Variants in ZNF385D observed in about 807,000 individuals in gnomAD.
ZNF385D encodes the protein zinc finger protein 659.
ZNF385D carries 15 observed loss-of-function variants against 35.8 expected under a neutral mutation model. The observed-to-expected ratio is 0.42, with a 90% CI of 0.28 to 0.64. The LOEUF is 0.64. Ranked by LOEUF, ZNF385D falls within the 30% of genes least tolerant of loss-of-function variation. ZNF385D has a pLI of 0.23. For missense variants in ZNF385D, 474 were observed against 494.6 expected, an observed-to-expected ratio of 0.96 and a Z score of 0.39; for synonymous variants, 212 against 186.8, an observed-to-expected ratio of 1.13 and a Z score of -1.10.
In ZNF385D at chr3:21,823,036, A is replaced by C. The variant is rs1694372726; in HGVS notation, c.326-158008T>G. On this transcript the variant is annotated intron_variant, in intron 3 of 5. Coordinates refer to the ZNF385D transcript ENST00000494108. ...AACAGTAATACAAGAGAATTCAAAA[A>C]TATCATAATTTTCTATTTGTTAAGC... 3.3e-5 allele frequency among the ~76,000 whole-genome samples: 5 copies of C among 152,174 alleles called. No individual in the cohort carries two copies. The South Asian group carries it at 1.0e-3, about 31-fold the overall frequency.
chr3:22,343,608 A>G (rs993693320), intron 2 of ZNF385D, among the ~76,000 whole-genome samples: 2 of 152,204 alleles, frequency 1.3e-5, no homozygotes, highest in African/African-American at 4.8e-5. Context: ...TGATCTTCTG[A>G]CATCTTCAGT....
rs945550568 is a variant in ZNF385D at position 22,082,657 on chromosome 3, G to A, written c.325+86160C>T. 2.0e-5 allele frequency among the ~76,000 whole-genome samples: 3 copies of A among 152,182 alleles called. No homozygotes were observed. In the East Asian group the frequency reaches 5.8e-4, roughly 29 times the overall value. On this transcript the variant is annotated intron_variant, in intron 3 of 5. Coordinates refer to the ZNF385D transcript ENST00000494108. ...TGAACAAAAGGCAGCAGAAACGTCT[G>A]CAGACTTAAACATCCCTGTCTGACA...
intron 1 of ZNF385D, among the ~76,000 whole-genome samples, chr3:21,731,578 C>T (rs562970104): frequency 2.6e-5 from 4 of 152,258 alleles, no homozygotes; most frequent in South Asian, 4.1e-4. Context: ...TAGGTTTGGA[C>T]AAATGTGTAA....
intron 3 of ZNF385D, among the ~76,000 whole-genome samples, chr3:21,546,502 C>T (rs1263726910): frequency 2.6e-5 from 4 of 152,048 alleles, no homozygotes; most frequent in East Asian, 1.9e-4. Flanking sequence ...GAGGAGGACT[C>T]AGTTCCACAG....
chr3:21,791,828 T>A lies in ZNF385D; in HGVS notation c.326-126800A>T, dbSNP rs1216627639. On this transcript the variant is annotated intron_variant, in intron 3 of 5. Transcript: ENST00000494108. ...CGGCTCACTGCAACCTCCGACTCCC[T>A]GGTTCAAGCAATTCTCCTGCCTCAG... 2.6e-5 allele frequency among the ~76,000 whole-genome samples: 4 copies of A among 152,136 alleles called. No individual in the cohort carries two copies. In the East Asian group the frequency reaches 5.8e-4, roughly 22 times the overall value.
At chr3:21,437,699 T>TAAAAAAAAAAAAAAAAAA (rs1559447253) in intron 4 of ZNF385D, among the ~76,000 whole-genome samples, 1 of 1,194 alleles carries the variant, frequency 8.4e-4, no homozygotes, top group Non-Finnish European at 1.8e-3. Flanking sequence ...CAAATGCTTA[T>TAAAAAAAAAAAAAAAAAA]ACAAAAAAAA....
chr3:22,133,443 T>C (rs760735507), intron 3 of ZNF385D: 5 of 150,864 alleles, frequency 3.3e-5, no homozygotes, highest in Non-Finnish European at 7.4e-5. Context: ...AGAGAAAGGT[T>C]ATATAACAGA....
chr3:21,785,933 C>T (rs891562907), intron 3 of ZNF385D, among the ~76,000 whole-genome samples: 1 of 152,106 alleles, frequency 6.6e-6, no homozygotes, highest in African/African-American at 2.4e-5. Context: ...GCTGCACTGG[C>T]AACCAAGCTT....
At chr3:21,519,430 T>C (rs1707779141) in intron 3 of ZNF385D, among the ~76,000 whole-genome samples, 1 of 152,184 alleles carries the variant, frequency 6.6e-6, no homozygotes, top group Admixed American at 6.6e-5. Context: ...GTGAATGATA[T>C]AGTAGAGAGT....
At chr3:21,778,716 T>C (rs9871254) in intron 3 of ZNF385D, among the ~76,000 whole-genome samples, 1 of 151,892 alleles carries the variant, frequency 6.6e-6, no homozygotes, top group African/African-American at 2.4e-5. Context: ...TAAAATAATT[T>C]AAAAAATCCA....
chr3:22,357,821 T>G (rs1156382738), intron 2 of ZNF385D, among the ~76,000 whole-genome samples: 1 of 151,888 alleles, frequency 6.6e-6, no homozygotes, highest in African/African-American at 2.4e-5. Flanking sequence ...TCACATTTCA[T>G]TGGCCACAGC....
In ZNF385D at chr3:21,628,509, T is replaced by TTA. The variant is rs1553626339; in HGVS notation, c.165+36376_165+36377insTA. ...TAGTTTATATGAAAAATCTAGATTT[T>TTA]AAAAAAATCTATAAGGTAAGAAAAA... On this transcript the variant is annotated intron_variant, in intron 2 of 7. Coordinates refer to ENST00000281523, the MANE Select transcript of ZNF385D (RefSeq NM_024697.3). Among the ~76,000 whole-genome samples the TTA allele has an allele frequency of 8.6e-5, 13 of 151,750 alleles. No individual in the cohort carries two copies. In the East Asian group the frequency reaches 1.6e-3, roughly 18 times the overall value.
intron 3 of ZNF385D, among the ~76,000 whole-genome samples, chr3:22,004,843 T>G (rs1480727080): frequency 6.6e-6 from 1 of 152,086 alleles, no homozygotes; most frequent in Non-Finnish European, 1.5e-5. Context: ...ACTGAACAAA[T>G]GTACATCTCA....
chr3:21,632,266 C>A (rs1358694738), intron 2 of ZNF385D, among the ~76,000 whole-genome samples: 3 of 151,932 alleles, frequency 2.0e-5, no homozygotes, highest in African/African-American at 7.3e-5. Flanking sequence ...TTTTGGTAAG[C>A]ATCATATAGA....
At chr3:22,099,348 A>C (rs1354287686) in intron 3 of ZNF385D, among the ~76,000 whole-genome samples, 1 of 152,268 alleles carries the variant, frequency 6.6e-6, no homozygotes, top group East Asian at 1.9e-4. Flanking sequence ...CATGTAGTCC[A>C]TAAGAAAGGG....
chr3:22,333,767 A>T (rs902917835), intron 2 of ZNF385D, among the ~76,000 whole-genome samples: 1 of 152,206 alleles, frequency 6.6e-6, no homozygotes, highest in Non-Finnish European at 1.5e-5. Context: ...CCTAGACTAG[A>T]TGATTTCTCC....
intron 3 of ZNF385D, among the ~76,000 whole-genome samples, chr3:21,878,978 A>AG (rs1220137694): frequency 2.0e-5 from 3 of 152,032 alleles, no homozygotes; most frequent in African/African-American, 7.2e-5. Context: ...GGAGAGCAGG[A>AG]GGGTAGGACA....
chr3:21,435,593 G>A (rs1259103911), intron 5 of ZNF385D, among the ~76,000 whole-genome samples: 1 of 152,080 alleles, frequency 6.6e-6, no homozygotes, highest in East Asian at 1.9e-4. Context: ...TAGTCTCAAA[G>A]GACATGGTGT....
intron 3 of ZNF385D, among the ~76,000 whole-genome samples, chr3:21,810,998 G>GTATATA (rs57333898): frequency 4.6e-4 from 66 of 144,510 alleles, no homozygotes; most frequent in African/African-American, 1.3e-3. Context: ...GTGTGTGTGT[G>GTATATA]TATATATATA....
Sources: allele counts gnomAD v4.1 joint callset (sites outside exome capture counted in the v4.1 genomes callset), GRCh38; gene constraint gnomAD v4.1.1; transcripts MANE v1.5; gene names NCBI Gene and HGNC (gene_info 2026-07-23, HGNC 2026-07-21).